The following CIZ1 variants were observed in gnomAD, a reference collection of about 807,000 sequenced individuals.
CIZ1 encodes cip1-interacting zinc finger protein.
CIZ1 carries 58 observed loss-of-function variants against 118.6 expected under a neutral mutation model. The observed-to-expected ratio is 0.49, with a 90% CI of 0.40 to 0.61. The LOEUF (loss-of-function observed/expected upper bound fraction) is 0.61, where lower values mean the gene tolerates loss of function less well. CIZ1 is among the 20% of genes least tolerant of loss of function. CIZ1 has a pLI of 0.00. For synonymous variants in CIZ1, 448 were observed against 443.4 expected, an observed-to-expected ratio of 1.01 and a Z score of -0.13; for missense variants, 921 against 1,115.9, an observed-to-expected ratio of 0.83 and a Z score of 2.49.
chr9:128,182,066 G>A (rs974724185), intron 5 of CIZ1, among the ~76,000 whole-genome samples: 2 of 152,114 alleles, frequency 1.3e-5, no homozygotes, highest in East Asian at 1.9e-4. Flanking sequence ...TCTCTGCCTC[G>A]GCTGCCAGGC....
In CIZ1 at chr9:128,176,455, C is replaced by T. The variant is rs756037176; in HGVS notation, c.1839G>A (p.Ser613=). 5.6e-6 allele frequency: 9 copies of T among 1,613,538 alleles called. No individual in the cohort carries two copies. Among genetic ancestry groups the T allele is most frequent in the East Asian group, 4.5e-5 (2 of 44,876 alleles). The change falls in exon 11 of 17, where the codon TCG becomes TCA. Residue 613 remains serine, a synonymous_variant. Transcript: ENST00000372938. ...CTAGCCGCTGCTGGTGCTGAGGCTCCGACATGTGGTCCTGGAACTCCTGCA... is the reference window on the plus strand; with the variant it reads ...CTAGCCGCTGCTGGTGCTGAGGCTCTGACATGTGGTCCTGGAACTCCTGCA... ...SSQQEFQDHM[S]EPQHQQRLGE...
At chr9:128,198,601 AGG>A (rs1833433487) in intron 1 of CIZ1, among the ~76,000 whole-genome samples, 4 of 152,034 alleles carry the variant, frequency 2.6e-5, no homozygotes, top group Admixed American at 2.6e-4. Context: ...TGGGAGGCCG[AGG>A]CGGGCAGATC....
Position 128,180,411 on chromosome 9 carries a change from T to C in CIZ1, c.791+4A>G, listed in dbSNP as rs1321889139. 1 of 1,612,100 alleles carries C rather than the reference T, an allele frequency of 6.2e-7. No individual in the cohort carries two copies. The highest frequency in any genetic ancestry group is 2.2e-5 in the East Asian group (1 of 44,878). Reference sequence around the variant, plus strand: ...GCGCAGGTCAGGTTTTCAGCATCAGTTACCTCCTCAATCTCTTTGCTGGCA... The same window carrying C: ...GCGCAGGTCAGGTTTTCAGCATCAGCTACCTCCTCAATCTCTTTGCTGGCA... On this transcript the variant is annotated splice_donor_region_variant and intron_variant, in intron 7 of 16. Coordinates refer to ENST00000372938, the MANE Select transcript of CIZ1 (RefSeq NM_001131016.2).
Position 128,169,525 on chromosome 9 carries a change from A to G in CIZ1, c.2032-6T>C. The G allele has an allele frequency of 6.2e-7, 1 of 1,613,978 alleles. No individual in the cohort carries two copies. Among genetic ancestry groups the G allele is most frequent in the Non-Finnish European group, 8.5e-7 (1 of 1,179,860 alleles). ...CGCAAGGATTGTTTGGCAATCTGGA[A>G]AAAGGCAGGCCAACCAAGCAGTGTC... On this transcript the variant is annotated splice_region_variant and splice_polypyrimidine_tract_variant and intron_variant, in intron 12 of 16. Transcript: ENST00000372938.
chr9:128,179,454 A>G, intron 7 of CIZ1, 39 bp from the exon 8 acceptor site: 5 of 1,530,488 alleles, frequency 3.3e-6, no homozygotes, highest in South Asian at 1.3e-5. Flanking sequence ...CATGTCTTCA[A>G]AGAGGCCCCA....
chr9:128,182,178 A>G (rs137921658), intron 5 of CIZ1, among the ~76,000 whole-genome samples: 2,904 of 152,166 alleles, frequency 0.019, 89 homozygotes, highest in African/African-American at 0.065. Context: ...CTTGTATCCA[A>G]TAAATAACAG....
chr9:128,173,789 A>G (rs554188785), intron 11 of CIZ1, among the ~76,000 whole-genome samples: 20 of 151,892 alleles, frequency 1.3e-4, no homozygotes, highest in East Asian at 7.9e-4. Context: ...GGCAGATCAC[A>G]AGGTCAGGAG....
upstream of CIZ1, among the ~76,000 whole-genome samples, chr9:128,192,940 G>A (rs531476534): frequency 8.5e-4 from 129 of 152,308 alleles, 1 homozygote; most frequent in Non-Finnish European, 1.2e-3. Context: ...GACGTTGGGC[G>A]GGCAGGGCGC....
At chr9:128,181,767 G>T (rs139415973) in intron 5 of CIZ1, among the ~76,000 whole-genome samples, 1 of 73,110 alleles carries the variant, frequency 1.4e-5, no homozygotes, top group Non-Finnish European at 3.0e-5. Flanking sequence ...GGAAAGGCGG[G>T]GGGGGGGGGG....
chr9:128,192,078 G>A (rs1833212789), upstream of CIZ1: 2 of 502,424 alleles, frequency 4.0e-6, no homozygotes, highest in East Asian at 7.1e-5. Context: ...AGTAGGTGAG[G>A]AGGGTCGAGG....
At chr9:128,197,293 G>A (rs45493891) in intron 1 of CIZ1, 10,511 of 152,228 alleles carry the variant, frequency 0.069, 763 homozygotes, top group East Asian at 0.42. Context: ...AGCCCTTCGC[G>A]CCTTTTATAT....
Position 128,203,435 on chromosome 9 carries a change from G to T in CIZ1, c.-6+751C>A. On this transcript the variant is annotated intron_variant, in intron 1 of 17. Transcript: ENST00000372948. The surrounding 1 kb of genome is among the most constrained non-coding windows in gnomAD (Gnocchi z 5.3). The stretch of plus-strand genomic sequence containing the variant: ...GGAGTCGGAGCCGGGAGCGCTAGCG[G>T]CAGCCGGATCGCAGCCTGCGGGGCC... The T allele has an allele frequency of 7.0e-7, 1 of 1,430,746 alleles. No individual in the cohort carries two copies. Among genetic ancestry groups the T allele is most frequent in the Non-Finnish European group, 9.2e-7 (1 of 1,088,486 alleles). 88.6% of individuals were successfully genotyped at this position (1,430,746 alleles called of 1,614,324 possible).
At chr9:128,181,793 C>T (rs911291358) in intron 5 of CIZ1, among the ~76,000 whole-genome samples, 6 of 149,460 alleles carry the variant, frequency 4.0e-5, no homozygotes, top group Admixed American at 1.3e-4. Context: ...TCCCTTTCCC[C>T]GAGGGAGTTT....
chr9:128,187,556 G>A (rs1005483508), intron 4 of CIZ1, among the ~76,000 whole-genome samples: 5 of 152,102 alleles, frequency 3.3e-5, no homozygotes, highest in African/African-American at 1.2e-4. Flanking sequence ...ATATACAAAT[G>A]TGCCTGGTAC....
intron 2 of CIZ1, 26 bp from the exon 3 acceptor site, chr9:128,190,470 G>C: frequency 6.4e-7 from 1 of 1,555,974 alleles, no homozygotes; most frequent in Non-Finnish European, 8.8e-7. Flanking sequence ...GGGTGTCAGA[G>C]GGTTATTTGG....
Position 128,179,087 on chromosome 9 carries a change from G to A in CIZ1, c.1120C>T (p.Gln374Ter), listed in dbSNP as rs778561033. ...QLQQEAEPQK[Q>*]VQPQVQPQAH... ...TGTGGCTGTACCTGTGGCTGCACCTGCTTCTGTGGCTCTGCCTCCTGCTGC... is the reference window on the plus strand; with the variant it reads ...TGTGGCTGTACCTGTGGCTGCACCTACTTCTGTGGCTCTGCCTCCTGCTGC... The change falls in exon 8 of 17, where the codon CAG becomes TAG. Residue 374 changes from glutamine to a stop codon, truncating the protein, a stop_gained. Coordinates refer to ENST00000372938, the MANE Select transcript of CIZ1 (RefSeq NM_001131016.2). LOFTEE classifies it high-confidence loss of function. The A allele has an allele frequency of 6.2e-7, 1 of 1,613,902 alleles. No homozygotes were observed. Among genetic ancestry groups the A allele is most frequent in the South Asian group, 1.1e-5 (1 of 91,078 alleles).
intron 1 of CIZ1, among the ~76,000 whole-genome samples, chr9:128,200,852 T>TAAATAAAC (rs1833495727): frequency 6.7e-6 from 1 of 148,256 alleles, no homozygotes; most frequent in South Asian, 2.2e-4. Flanking sequence ...AATAAATAAA[T>TAAATAAAC]AGGCTGGGCA....
At chr9:128,179,592 G>A (rs1831310030) in intron 7 of CIZ1, among the ~76,000 whole-genome samples, 177 bp from the exon 8 acceptor site, 1 of 152,176 alleles carries the variant, frequency 6.6e-6, no homozygotes, top group Non-Finnish European at 1.5e-5. Context: ...AACCAACATG[G>A]TGAAACCTGG....
At chr9:128,173,863 G>A (rs969264309) in intron 11 of CIZ1, among the ~76,000 whole-genome samples, 23 of 152,026 alleles carry the variant, frequency 1.5e-4, no homozygotes, top group Admixed American at 6.5e-4. Context: ...AAAATTAGCC[G>A]GGCCTAGTGG....
Sources: allele counts gnomAD v4.1 joint callset (sites outside exome capture counted in the v4.1 genomes callset), GRCh38; gene constraint gnomAD v4.1.1; non-coding constraint Gnocchi (gnomAD v3.1); transcripts MANE v1.5; gene names NCBI Gene and HGNC (gene_info 2026-07-23, HGNC 2026-07-21).